Variants in TNS3 observed in about 807,000 individuals in gnomAD.
TNS3 encodes tensin 3.
TNS3 carries 45 observed loss-of-function variants against 140.9 expected under a neutral mutation model. The ratio of observed to expected loss-of-function variants is 0.32; its 90% CI spans 0.25 to 0.41. The LOEUF (loss-of-function observed/expected upper bound fraction) is 0.41. Among genes scored for constraint, TNS3 ranks in the 10% least tolerant of loss-of-function variants. TNS3 has a pLI of 1.00. For synonymous variants in TNS3, 815 were observed against 788.4 expected (o/e 1.03, Z -0.56); for missense variants, 1,716 against 1,906.7 (o/e 0.90, Z 1.86).
intron 17 of TNS3, among the ~76,000 whole-genome samples, chr7:47,361,212 A>AAAAAAAAAAAAAAAAAAAAAAAAAAC: frequency 6.9e-6 from 1 of 145,400 alleles, no homozygotes; most frequent in Non-Finnish European, 1.5e-5. Context: ...ATGCCAAAAA[A>AAAAAAAAAAAAAAAAAAAAAAAAAAC]AAAAAAAAAA....
chr7:47,326,776 A>G (rs985969260), intron 20 of TNS3, among the ~76,000 whole-genome samples: 1 of 152,232 alleles, frequency 6.6e-6, no homozygotes, highest in African/African-American at 2.4e-5. Flanking sequence ...CATTAAAAGG[A>G]CAGGAAACTT....
intron 1 of TNS3, among the ~76,000 whole-genome samples, chr7:47,555,592 T>C (rs1324891169): frequency 6.6e-6 from 1 of 152,188 alleles, no homozygotes; most frequent in Admixed American, 6.5e-5. Context: ...TTTATCATCG[T>C]CTTATTTTAA....
At position 47,275,189 on chromosome 7, in the gene TNS3, A is replaced by C. The variant is rs1335488164; in HGVS notation, c.*2887T>G. 1 of 152,690 alleles carries C rather than the reference A, an allele frequency of 6.5e-6. No homozygotes were observed. The highest frequency in any genetic ancestry group is 1.9e-4 in the East Asian group (1 of 5,206). The allele number at this position is 152,690 out of a possible 1,614,324, so 9.5% of individuals were successfully genotyped here. A position where few individuals can be genotyped will look rare whatever the true frequency, so the allele number is the denominator to read the frequency against. ...CATAATTTTATTATACTCTGAATAG[A>C]GATGATATTTAAGGAGCAGAGAAAA... is the stretch of plus-strand genomic sequence containing the variant. On this transcript the variant is annotated 3_prime_UTR_variant, in exon 31 of 31. Transcript: ENST00000311160.
intron 8 of TNS3, among the ~76,000 whole-genome samples, chr7:47,429,339 C>T (rs1057365391): frequency 2.0e-5 from 3 of 151,656 alleles, no homozygotes; most frequent in African/African-American, 4.8e-5. Context: ...AGCAAGACCA[C>T]GGGGACTGAA....
chr7:47,495,966 A>C (rs1454145841), intron 3 of TNS3, among the ~76,000 whole-genome samples: 12 of 152,146 alleles, frequency 7.9e-5, no homozygotes, highest in Admixed American at 7.9e-4. Context: ...ACCTGGACAG[A>C]GCCAGAGGCA....
At chr7:47,354,232 G>A (rs1309558226) in intron 17 of TNS3, among the ~76,000 whole-genome samples, 1 of 152,194 alleles carries the variant, frequency 6.6e-6, no homozygotes, top group Non-Finnish European at 1.5e-5. Flanking sequence ...CCTCATGGGA[G>A]CAGGAGAGAG....
chr7:47,392,154 A>ACTAC (rs1280051058), intron 16 of TNS3, among the ~76,000 whole-genome samples: 1 of 152,180 alleles, frequency 6.6e-6, no homozygotes, highest in East Asian at 1.9e-4. Flanking sequence ...AGGGACAGCA[A>ACTAC]CTACCCCAGG....
intron 26 of TNS3, among the ~76,000 whole-genome samples, chr7:47,292,466 A>G (rs1332858754): frequency 6.6e-6 from 1 of 152,240 alleles, no homozygotes; most frequent in Non-Finnish European, 1.5e-5. Context: ...TCCATCATCT[A>G]AGTTCAACAA....
chr7:47,418,164 T>G (rs983218913), intron 10 of TNS3, among the ~76,000 whole-genome samples: 1 of 152,202 alleles, frequency 6.6e-6, no homozygotes, highest in African/African-American at 2.4e-5. Context: ...TAGCTGGGCA[T>G]GGTGGCATGC....
intron 3 of TNS3, among the ~76,000 whole-genome samples, chr7:47,488,447 T>C (rs1386080216): frequency 6.6e-6 from 1 of 152,126 alleles, no homozygotes; most frequent in Non-Finnish European, 1.5e-5. Flanking sequence ...GTGGGCAGGG[T>C]GGTTCCTCCT....
intron 3 of TNS3, among the ~76,000 whole-genome samples, chr7:47,491,742 C>T (rs1053101730): frequency 1.3e-5 from 2 of 152,192 alleles, no homozygotes; most frequent in Admixed American, 6.5e-5. Flanking sequence ...ACATGTCCCT[C>T]GCCCCGTCCT....
chr7:47,454,349 T>C (rs930533140), intron 4 of TNS3, among the ~76,000 whole-genome samples: 1 of 152,186 alleles, frequency 6.6e-6, no homozygotes, highest in Non-Finnish European at 1.5e-5. Flanking sequence ...GTCCCTTTAC[T>C]GGCCACAGTC....
chr7:47,297,730 TAA>T, intron 23 of TNS3, among the ~76,000 whole-genome samples: 1 of 151,744 alleles, frequency 6.6e-6, no homozygotes, highest in Admixed American at 6.6e-5. Context: ...GCATTTTTCT[TAA>T]AGATTTTAGA....
intron 27 of TNS3, among the ~76,000 whole-genome samples, chr7:47,286,282 T>A (rs1785416674): frequency 6.6e-6 from 1 of 152,134 alleles, no homozygotes; most frequent in Non-Finnish European, 1.5e-5. Context: ...TTGGTAGCAA[T>A]CTGCTGTTTG....
intron 13 of TNS3, among the ~76,000 whole-genome samples, chr7:47,409,263 C>G (rs1187471924): frequency 2.0e-5 from 3 of 151,884 alleles, no homozygotes; most frequent in South Asian, 2.1e-4. Context: ...TCCCAGGAGA[C>G]TGCCCCCGCC....
At chr7:47,306,768 G>A (rs755768046) in intron 20 of TNS3, among the ~76,000 whole-genome samples, 8 of 152,094 alleles carry the variant, frequency 5.3e-5, no homozygotes, top group Non-Finnish European at 7.4e-5. Flanking sequence ...TAGTAGAGAC[G>A]GGGTTTCATC....
At chr7:47,536,216 T>C (rs771903786) in intron 1 of TNS3, among the ~76,000 whole-genome samples, 3 of 152,228 alleles carry the variant, frequency 2.0e-5, no homozygotes, top group Non-Finnish European at 2.9e-5. Context: ...AGCTGAAATT[T>C]TGACAGTTTT....
chr7:47,319,927 C>A (rs1201815883), intron 20 of TNS3, among the ~76,000 whole-genome samples: 1 of 152,180 alleles, frequency 6.6e-6, no homozygotes, highest in African/African-American at 2.4e-5. Context: ...CCCAGTATTT[C>A]TAAAGCGTCC....
intron 30 of TNS3, chr7:47,278,594 T>C (rs1784981013): frequency 1.1e-5 from 2 of 183,508 alleles, no homozygotes; most frequent in Non-Finnish European, 2.3e-5. Context: ...AGTCCTGACA[T>C]ACTGGACCAC....
Sources: allele counts gnomAD v4.1 joint callset (sites outside exome capture counted in the v4.1 genomes callset), GRCh38; gene constraint gnomAD v4.1.1; transcripts MANE v1.5; gene names NCBI Gene and HGNC (gene_info 2026-07-23, HGNC 2026-07-21).